GALNT10: variants seen among roughly 807,000 people sequenced by gnomAD.
GALNT10 encodes the protein GalNAc transferase 10.
In GALNT10, 41 loss-of-function variants were observed where a neutral mutation model predicts 75.0. That is an observed-to-expected ratio of 0.55 (90% CI 0.43 to 0.71). The LOEUF is 0.71. GALNT10 is among the 30% of genes least tolerant of loss of function. GALNT10 has a pLI of 0.00. For missense variants in GALNT10, 727 were observed against 818.5 expected, an observed-to-expected ratio of 0.89 and a Z score of 1.36; for synonymous variants, 302 against 313.0, an observed-to-expected ratio of 0.96 and a Z score of 0.37.
At chr5:154,414,929 G>C (rs748488278) in intron 10 of GALNT10, among the ~76,000 whole-genome samples, 4 of 152,134 alleles carry the variant, frequency 2.6e-5, no homozygotes, top group African/African-American at 7.2e-5. Flanking sequence ...TCCAAGACCA[G>C]CCTGACCAAC....
chr5:154,273,631 G>A (rs1753904316), intron 1 of GALNT10, among the ~76,000 whole-genome samples: 1 of 152,166 alleles, frequency 6.6e-6, no homozygotes, highest in Admixed American at 6.5e-5. Context: ...GTTGTTAATA[G>A]TGGTTATCTC....
At chr5:154,401,470 G>A (rs973379258) in intron 7 of GALNT10, among the ~76,000 whole-genome samples, 1 of 152,206 alleles carries the variant, frequency 6.6e-6, no homozygotes, top group African/African-American at 2.4e-5. Context: ...TTGTATAAAG[G>A]AAGAGTTATT....
chr5:154,221,416 G>A (rs1426018610), intron 1 of GALNT10, among the ~76,000 whole-genome samples: 1 of 152,170 alleles, frequency 6.6e-6, no homozygotes, highest in South Asian at 2.1e-4. Flanking sequence ...CCGGGGGTTA[G>A]GGTGCCCCTG....
rs1292582493 is a variant in GALNT10 at position 154,416,945 on chromosome 5, A to G, written c.1785A>G (p.Thr595=). 6.2e-7 allele frequency: 1 copy of G among 1,614,196 alleles called. No homozygotes were observed. The highest frequency in any genetic ancestry group is 1.7e-5 in the Admixed American group (1 of 60,030). The change falls in exon 12 of 12, where the codon ACA becomes ACG. Residue 595 remains threonine (T), a synonymous_variant. Transcript: ENST00000297107. The surrounding 1 kb of genome is among the most constrained non-coding windows in gnomAD (Gnocchi z 4.5). ...QQWLFEHTNS[T]VLEKFNRN ...GGCTGTTTGAACACACCAACTCAAC[A>G]GTCTTGGAAAAATTCAATAGGAACT...
intron 1 of GALNT10, among the ~76,000 whole-genome samples, chr5:154,265,569 T>G (rs1263102563): frequency 6.6e-6 from 1 of 152,228 alleles, no homozygotes; most frequent in Non-Finnish European, 1.5e-5. Context: ...GCTCCAAGTT[T>G]GGATAATTTT....
At chr5:154,300,096 A>C (rs542146415) in intron 3 of GALNT10, among the ~76,000 whole-genome samples, 1 of 152,182 alleles carries the variant, frequency 6.6e-6, no homozygotes, top group South Asian at 2.1e-4. Context: ...TCAGCCTCCC[A>C]AAGTGTCGGG....
At chr5:154,203,236 C>T (rs1775054267) in intron 1 of GALNT10, among the ~76,000 whole-genome samples, 1 of 152,126 alleles carries the variant, frequency 6.6e-6, no homozygotes, top group Non-Finnish European at 1.5e-5. Flanking sequence ...GTGTGTGTTT[C>T]TCTGTCTCTC....
rs781674331 is a variant in GALNT10 at position 154,298,034 on chromosome 5, A to G, written c.356A>G (p.Asp119Gly). ...AATGGATTTAACATCTACGTCAGTG[A>G]TAAAATCTCCTTGAATCGCTCTCTC... is the stretch of plus-strand genomic sequence containing the variant. ...RENGFNIYVS[D>G]KISLNRSLPD... The change falls in exon 3 of 12, where the codon GAT becomes GGT. Residue 119 changes from aspartate (D) to glycine (G), a missense_variant. Asp to Gly is a moderately conservative substitution (Grantham distance 94). Coordinates refer to ENST00000297107, the MANE Select transcript of GALNT10 (RefSeq NM_198321.4). This position sits in a 1 kb window ranked among gnomAD's most constrained non-coding sequence, Gnocchi z 4.1. 6.2e-7 allele frequency: 1 copy of G among 1,613,608 alleles called. No individual in the cohort carries two copies. The highest frequency in any genetic ancestry group is 1.1e-5 in the South Asian group (1 of 91,062).
intron 1 of GALNT10, among the ~76,000 whole-genome samples, chr5:154,271,332 G>T (rs641093): frequency 2.6e-5 from 4 of 152,034 alleles, no homozygotes; most frequent in African/African-American, 9.7e-5. Context: ...CCAGCGTGGT[G>T]GCGGGTGCCT....
intron 2 of GALNT10, among the ~76,000 whole-genome samples, chr5:154,295,939 A>T (rs1466993472): frequency 2.6e-5 from 4 of 152,156 alleles, no homozygotes; most frequent in Non-Finnish European, 4.4e-5. Context: ...ACCACTATTG[A>T]TTTTTTAAAG....
At chr5:154,414,500 A>G (rs557786008) in intron 10 of GALNT10, among the ~76,000 whole-genome samples, 10 of 152,354 alleles carry the variant, frequency 6.6e-5, no homozygotes, top group African/African-American at 2.4e-4. Flanking sequence ...ATACTGTATG[A>G]TTCCTTTATA....
intron 1 of GALNT10, chr5:154,218,117 C>T: frequency 1.0e-6 from 1 of 985,250 alleles, no homozygotes. Context: ...CTCAGATGCA[C>T]AGCCTCTGCC....
chr5:154,412,930 C>T lies in GALNT10; in HGVS notation c.1428C>T (p.His476=), dbSNP rs35448914. Residue 476 remains histidine (H), a synonymous_variant, in exon 10 of 12, where the codon CAC becomes CAT. Transcript: ENST00000297107. This position sits in a 1 kb window ranked among gnomAD's most constrained non-coding sequence, Gnocchi z 4.2. ...VGTGLCADTK[H]GALGSPLRLE... ...CAGGGCTGTGTGCAGACACAAAGCACGGGGCCTTGGGCTCCCCACTAAGGC... is the reference window on the plus strand; with the variant it reads ...CAGGGCTGTGTGCAGACACAAAGCATGGGGCCTTGGGCTCCCCACTAAGGC... The T allele has an allele frequency of 0.028, 44,988 of 1,613,298 alleles. 740 individuals are homozygous for T. The highest frequency in any genetic ancestry group is 0.06 in the Middle Eastern group (362 of 6,060).
intron 1 of GALNT10, among the ~76,000 whole-genome samples, chr5:154,212,921 T>TCGCGCCACTGCTCTC (rs1030696342): frequency 1.3e-5 from 2 of 148,656 alleles, no homozygotes; most frequent in Non-Finnish European, 3.0e-5. Flanking sequence ...TGAGCGGAGA[T>TCGCGCCACTGCTCTC]CGCGCCACTG....
intron 4 of GALNT10, among the ~76,000 whole-genome samples, chr5:154,371,899 G>A (rs1403709950): frequency 1.3e-5 from 2 of 152,068 alleles, no homozygotes; most frequent in Non-Finnish European, 2.9e-5. Flanking sequence ...ATCCTTCTCC[G>A]TTAATCCCCT....
At chr5:154,405,348 G>A (rs1756255818) in intron 8 of GALNT10, among the ~76,000 whole-genome samples, 1 of 152,184 alleles carries the variant, frequency 6.6e-6, no homozygotes, top group Admixed American at 6.5e-5. Context: ...GAAGTGTCAG[G>A]GGCCGCGTGG....
chr5:154,202,044 G>A (rs1775035447), intron 1 of GALNT10, among the ~76,000 whole-genome samples: 1 of 152,208 alleles, frequency 6.6e-6, no homozygotes. Flanking sequence ...TATTGGGGAA[G>A]TGTTAGGATC....
chr5:154,280,599 A>C (rs1317647332), intron 1 of GALNT10, among the ~76,000 whole-genome samples: 1 of 152,194 alleles, frequency 6.6e-6, no homozygotes, highest in Non-Finnish European at 1.5e-5. Flanking sequence ...ATATTCTCCC[A>C]GTTCATGGCT....
Position 154,378,534 on chromosome 5 carries a change from T to C in GALNT10, c.755-1914T>C, listed in dbSNP as rs531387869. ...GAGCTGCCCTCAGTAATCCTGGTCA[T>C]GGAGAGTGTCGCTGAGTGCTGACTA... is the stretch of plus-strand genomic sequence containing the variant. On this transcript the variant is annotated intron_variant, in intron 5 of 11. Coordinates refer to ENST00000297107, the MANE Select transcript of GALNT10 (RefSeq NM_198321.4). 2.0e-5 allele frequency among the ~76,000 whole-genome samples: 3 copies of C among 152,276 alleles called. No homozygotes were observed. The East Asian group carries it at 5.8e-4, about 29-fold the overall frequency.
Sources: gnomAD v4.1 joint callset for allele counts (sites outside exome capture counted in the v4.1 genomes callset) on GRCh38, gnomAD v4.1.1 for gene constraint, Gnocchi (gnomAD v3.1) non-coding constraint, MANE v1.5 for transcripts, NCBI Gene and HGNC (gene_info 2026-07-23, HGNC 2026-07-21) for gene names.